The following ARL13B variants were observed in gnomAD, a reference collection of about 807,000 sequenced individuals.
The protein encoded by ARL13B is ADP-ribosylation factor-like protein 13B.
Under a neutral mutation model 56.1 loss-of-function variants are expected in ARL13B, and 36 were observed. That is an observed-to-expected ratio of 0.64 (90% CI 0.49 to 0.85). The LOEUF (loss-of-function observed/expected upper bound fraction) is 0.85. ARL13B is among the 40% of genes least tolerant of loss of function. ARL13B has a pLI of 0.00. For missense variants in ARL13B, 519 were observed against 507.1 expected (o/e 1.02, Z -0.23); for synonymous variants, 178 against 171.1 (o/e 1.04, Z -0.32).
chr3:93,981,103 T>A (rs566263099), intron 1 of ARL13B, among the ~76,000 whole-genome samples: 1 of 152,352 alleles, frequency 6.6e-6, no homozygotes, highest in Non-Finnish European at 1.5e-5. Flanking sequence ...ACCTTTTAAT[T>A]GAAAGGGTCC....
chr3:94,023,550 A>G (rs1363779895), intron 3 of ARL13B, among the ~76,000 whole-genome samples: 11 of 151,754 alleles, frequency 7.2e-5, no homozygotes, highest in Admixed American at 7.2e-4. Flanking sequence ...TATTATTTTC[A>G]TGGCCTTTCA....
chr3:94,043,275 T>C (rs1457924886), intron 7 of ARL13B, 35 bp downstream of exon 7: 10 of 1,529,772 alleles, frequency 6.5e-6, no homozygotes, highest in Non-Finnish European at 8.9e-6. Flanking sequence ...AATTATCTTA[T>C]GTATATATAA....
chr3:94,034,592 A>T (rs2076735141), intron 3 of ARL13B, among the ~76,000 whole-genome samples: 1 of 151,894 alleles, frequency 6.6e-6, no homozygotes, highest in Non-Finnish European at 1.5e-5. Context: ...ATTTATGTGG[A>T]CACATTCACA....
intron 1 of ARL13B, among the ~76,000 whole-genome samples, chr3:93,982,044 T>C (rs774380961): frequency 2.6e-5 from 4 of 152,194 alleles, no homozygotes; most frequent in Non-Finnish European, 5.9e-5. Flanking sequence ...AGAAATGTAT[T>C]TGGTTTCTGT....
chr3:94,038,590 C>T (rs1215115610), intron 5 of ARL13B, among the ~76,000 whole-genome samples: 1 of 128,260 alleles, frequency 7.8e-6, no homozygotes, highest in African/African-American at 3.0e-5. Context: ...ATGGCGCAGT[C>T]TCGGCGCACT....
intron 7 of ARL13B, among the ~76,000 whole-genome samples, chr3:94,044,640 C>T (rs915767044): frequency 1.3e-5 from 2 of 148,274 alleles, no homozygotes; most frequent in African/African-American, 5.0e-5. Flanking sequence ...GGGAGCGCCT[C>T]TGCCCGGCTG....
intron 3 of ARL13B, among the ~76,000 whole-genome samples, chr3:94,034,484 A>C (rs1394868669): frequency 6.6e-6 from 1 of 151,766 alleles, no homozygotes; most frequent in Non-Finnish European, 1.5e-5. Context: ...GTTGGTGTCC[A>C]GTTTGTCTCT....
At chr3:94,044,464 G>A (rs184897264) in intron 7 of ARL13B, among the ~76,000 whole-genome samples, 99 of 131,048 alleles carry the variant, frequency 7.6e-4, no homozygotes, top group African/African-American at 2.5e-3. Flanking sequence ...CGGCCACCCC[G>A]TCTGGGAAGT....
chr3:94,053,762 AC>A lies in ARL13B; in HGVS notation c.*501del, dbSNP rs2077102494. ...TTAATTACTGTGATATTGATTATACACCTTTTTTATAGATGATTTGTTTAAA... is the reference window on the plus strand; with the variant it reads ...TTAATTACTGTGATATTGATTATACACTTTTTTATAGATGATTTGTTTAAA... On this transcript the variant is annotated 3_prime_UTR_variant, in exon 10 of 10. Coordinates refer to ENST00000394222, the MANE Select transcript of ARL13B (RefSeq NM_001174150.2). The A allele has an allele frequency of 6.6e-6, 2 of 300,848 alleles. No homozygotes were observed. The highest frequency in any genetic ancestry group is 1.3e-5 in the Non-Finnish European group (2 of 155,642). The allele number at this position is 300,848 out of a possible 1,614,324, so 18.6% of individuals were successfully genotyped here. A position where few individuals can be genotyped will look rare whatever the true frequency, so the allele number is the denominator to read the frequency against.
intron 1 of ARL13B, among the ~76,000 whole-genome samples, chr3:93,985,733 C>T (rs1710432692): frequency 1.3e-5 from 2 of 152,150 alleles, no homozygotes; most frequent in African/African-American, 4.8e-5. Flanking sequence ...TTCCTGCCCC[C>T]TATTCATCTC....
intron 7 of ARL13B, among the ~76,000 whole-genome samples, chr3:94,048,582 T>G (rs1275164084): frequency 6.6e-6 from 1 of 152,122 alleles, no homozygotes; most frequent in Non-Finnish European, 1.5e-5. Flanking sequence ...ATTTGTTTAT[T>G]TACTTATTTA....
In ARL13B at chr3:93,992,430, T is replaced by C. The variant is rs75215509; in HGVS notation, c.60-3444T>C. ...CTCTGTAGCCTGCTGTCTATCCTTA[T>C]GACTGCCCACTGCTTCCCCTAATTT... On this transcript the variant is annotated intron_variant, in intron 1 of 9. Coordinates refer to ENST00000394222, the MANE Select transcript of ARL13B (RefSeq NM_001174150.2). Among the ~76,000 whole-genome samples, 1,057 of 152,328 alleles carry C rather than the reference T, an allele frequency of 6.9e-3. 9 individuals carry two copies. The highest frequency in any genetic ancestry group is 0.024 in the African/African-American group (994 of 41,578).
At chr3:93,980,814 A>G (rs1188964926) in intron 1 of ARL13B, among the ~76,000 whole-genome samples, 1 of 151,968 alleles carries the variant, frequency 6.6e-6, no homozygotes, top group Non-Finnish European at 1.5e-5. Context: ...TGTAATGGAA[A>G]TTCTTTTAAA....
chr3:94,017,727 A>G (rs1488585462), intron 3 of ARL13B, among the ~76,000 whole-genome samples: 2 of 152,178 alleles, frequency 1.3e-5, no homozygotes, highest in African/African-American at 4.8e-5. Flanking sequence ...CTAAGCAGAT[A>G]TTTGAGATGT....
At chr3:94,030,658 C>T (rs996325418) in intron 3 of ARL13B, among the ~76,000 whole-genome samples, 2 of 152,100 alleles carry the variant, frequency 1.3e-5, no homozygotes, top group African/African-American at 4.8e-5. Context: ...CAGAGAAGTA[C>T]TATTTTAAGT....
At chr3:93,986,693 G>C (rs1710478834) in intron 1 of ARL13B, among the ~76,000 whole-genome samples, 1 of 152,186 alleles carries the variant, frequency 6.6e-6, no homozygotes, top group Non-Finnish European at 1.5e-5. Context: ...TATGGGCCAG[G>C]CATGATGGCT....
Position 94,055,287 on chromosome 3 carries a change from T to G in ARL13B, c.*2024T>G, listed in dbSNP as rs773629297. 2.4e-6 allele frequency: 1 copy of G among 416,116 alleles called. No individual in the cohort carries two copies. 25.8% of individuals were successfully genotyped at this position (416,116 alleles called of 1,614,324 possible). A position where few individuals can be genotyped will look rare whatever the true frequency, so the allele number is the denominator to read the frequency against. On this transcript the variant is annotated 3_prime_UTR_variant, in exon 10 of 10. Transcript: ENST00000394222. ...AAAAATAATTTATATCAATATTCTG[T>G]TTCTCTTTTCAATTGGTAGATTTAA...
At chr3:94,045,663 G>T (rs2076969550) in intron 7 of ARL13B, among the ~76,000 whole-genome samples, 3 of 151,812 alleles carry the variant, frequency 2.0e-5, no homozygotes, top group South Asian at 4.2e-4. Context: ...CCCAATTTAA[G>T]ACATACTATA....
rs1400526647 is a variant in ARL13B at position 94,043,091 on chromosome 3, A to C, written c.875A>C (p.Lys292Thr). The change falls in exon 7 of 10, where the codon AAA becomes ACA. Residue 292 changes from lysine (K) to threonine (T), a missense_variant. Coordinates refer to ENST00000394222, the MANE Select transcript of ARL13B (RefSeq NM_001174150.2). Reference protein sequence around the residue: ...KDSDGCHLKHKMEHEQIETQG... With the variant: ...KDSDGCHLKHTMEHEQIETQG... ...AGTGATGGCTGCCACCTGAAACATA[A>C]AATGGAGCATGAGCAAATAGAGACA... 6.2e-7 allele frequency: 1 copy of C among 1,613,704 alleles called. No individual in the cohort carries two copies. The highest frequency in any genetic ancestry group is 8.5e-7 in the Non-Finnish European group (1 of 1,179,944).
Sources: allele counts gnomAD v4.1 joint callset (sites outside exome capture counted in the v4.1 genomes callset), GRCh38; gene constraint gnomAD v4.1.1; transcripts MANE v1.5; gene names NCBI Gene and HGNC (gene_info 2026-07-23, HGNC 2026-07-21).